PTPN21: variants seen among roughly 807,000 people sequenced by gnomAD.
The protein encoded by PTPN21 is tyrosine-protein phosphatase non-receptor type 21.
A neutral mutation model predicts 131.8 loss-of-function variants in PTPN21; 77 were observed. The ratio of observed to expected loss-of-function variants is 0.58; its 90% CI spans 0.49 to 0.71. PTPN21 has a LOEUF of 0.71. PTPN21 is among the 30% of genes least tolerant of loss of function. The pLI is 0.00. For missense variants in PTPN21, 1,552 were observed against 1,527.1 expected (o/e 1.02, Z -0.27); for synonymous variants, 715 against 621.3 (o/e 1.15, Z -2.24).
chr14:88,511,799 T>C (rs969637991), intron 3 of PTPN21, among the ~76,000 whole-genome samples: 1 of 152,280 alleles, frequency 6.6e-6, no homozygotes, highest in South Asian at 2.1e-4. Flanking sequence ...TGCCCGAAAG[T>C]CAAAATATGC....
intron 3 of PTPN21, chr14:88,512,228 T>C (rs922176320): frequency 6.6e-6 from 1 of 152,168 alleles, no homozygotes; most frequent in African/African-American, 2.4e-5. Context: ...TCAGTACATA[T>C]CCCTAAAAGG....
rs561039980 is a variant in PTPN21, at chr14:88,549,743, C to A, written c.180+495G>T. ...CCTCCCCAGTAGCTGCGATTACAGGCACCCACCACCACGCCCAGCCAATTT... is the reference window on the plus strand; with the variant it reads ...CCTCCCCAGTAGCTGCGATTACAGGAACCCACCACCACGCCCAGCCAATTT... On this transcript the variant is annotated intron_variant, in intron 2 of 18. Transcript: ENST00000556564. Among the ~76,000 whole-genome samples the A allele has an allele frequency of 2.0e-5, 3 of 151,690 alleles. No homozygotes were observed. In the South Asian group the frequency reaches 6.3e-4, roughly 32 times the overall value.
intron 10 of PTPN21, among the ~76,000 whole-genome samples, chr14:88,491,121 A>G (rs1230389929): frequency 2.0e-5 from 3 of 151,300 alleles, no homozygotes; most frequent in African/African-American, 7.4e-5. Flanking sequence ...TCCTCACTTT[A>G]TAATTTTAAA....
chr14:88,532,487 C>T (rs1042624217), intron 2 of PTPN21, among the ~76,000 whole-genome samples: 3 of 152,080 alleles, frequency 2.0e-5, no homozygotes, highest in African/African-American at 7.2e-5. Context: ...GGCAACCTCA[C>T]GTGAACATAA....
intron 2 of PTPN21, among the ~76,000 whole-genome samples, chr14:88,543,695 C>T (rs1209890610): frequency 6.6e-6 from 1 of 152,144 alleles, no homozygotes; most frequent in Non-Finnish European, 1.5e-5. Flanking sequence ...ACGCACTAAA[C>T]ACACAATTTA....
Position 88,474,131 on chromosome 14 carries a change from C to CAAAAAAAA in PTPN21, c.2512-337_2512-330dup, listed in dbSNP as rs754719071. Reference sequence around the variant, plus strand: ...CAGACGTAACAAATCAGCTGAAGTCCAAAAAAAAAAAAAAAAAAAAAAAAC... The same window carrying CAAAAAAAA: ...CAGACGTAACAAATCAGCTGAAGTCCAAAAAAAAAAAAAAAAAAAAAAAAAAAAAAAAC... On this transcript the variant is annotated intron_variant, in intron 13 of 18. Coordinates refer to ENST00000556564, the MANE Select transcript of PTPN21 (RefSeq NM_007039.4). Among the ~76,000 whole-genome samples the CAAAAAAAA allele has an allele frequency of 1.1e-3, 50 of 46,602 alleles. 1 individual carries two copies. The highest frequency in any genetic ancestry group is 2.1e-3 in the East Asian group (3 of 1,412). 30.6% of individuals were successfully genotyped at this position (46,602 alleles called of 152,430 possible). A position where few individuals can be genotyped will look rare whatever the true frequency, so the allele number is the denominator to read the frequency against.
In PTPN21 at chr14:88,479,937, C is replaced by A; in HGVS notation, c.1494G>T (p.Glu498Asp). 6.2e-7 allele frequency: 1 copy of A among 1,606,044 alleles called. No individual in the cohort carries two copies. Among genetic ancestry groups the A allele is most frequent in the Non-Finnish European group, 8.5e-7 (1 of 1,179,718 alleles). ...ALVYSQPEIR[E>D]HAQLPSPAAA... is the part of the protein sequence containing the mutation. ...CCGCTGGCGAGGGGAGCTGTGCGTG[C>A]TCGCGGATCTCGGGCTGGCTGTAGA... The change falls in exon 13 of 19, where the codon GAG (glutamate) becomes GAT (aspartate). Residue 498 changes from glutamate (E) to aspartate (D), a missense_variant. Transcript: ENST00000556564.
chr14:88,518,249 A>T (rs1196260823), intron 2 of PTPN21, among the ~76,000 whole-genome samples: 392 of 70,724 alleles, frequency 5.5e-3, no homozygotes, highest in African/African-American at 0.023. Flanking sequence ...AAAAAAAAAA[A>T]AAAAAAATAT....
At chr14:88,473,312 C>T (rs2077499361) in intron 14 of PTPN21, among the ~76,000 whole-genome samples, 1 of 152,102 alleles carries the variant, frequency 6.6e-6, no homozygotes. Context: ...GATAAACTTT[C>T]AGTATAATAA....
At position 88,480,191 on chromosome 14, in the gene PTPN21, G is replaced by A. The variant is rs1204994784; in HGVS notation, c.1240C>T (p.Pro414Ser). The change falls in exon 13 of 19, where the codon CCG (proline) becomes TCG (serine). Residue 414 changes from proline (P) to serine (S), a missense_variant. This residue lies in a region of PTPN21 where 1,016 missense variants were observed against 883.5 expected (regional missense o/e 1.15). Coordinates refer to ENST00000556564, the MANE Select transcript of PTPN21 (RefSeq NM_007039.4). ...NNPQPYLQPSPMSSNPSITGS... is the reference protein window; with the variant it reads ...NNPQPYLQPSSMSSNPSITGS... ...GTGATGCTAGGGTTGGACGACATCG[G>A]CGAGGGCTGCAAGTAGGGCTGAGGA... is the stretch of plus-strand genomic sequence containing the variant. 2.5e-6 allele frequency: 4 copies of A among 1,614,090 alleles called. No homozygotes were observed. The highest frequency in any genetic ancestry group is 3.4e-6 in the Non-Finnish European group (4 of 1,180,038).
chr14:88,491,157 T>G (rs901902828), intron 10 of PTPN21, among the ~76,000 whole-genome samples: 2 of 152,208 alleles, frequency 1.3e-5, no homozygotes, highest in Non-Finnish European at 2.9e-5. Flanking sequence ...CATCTAACAT[T>G]TTTAAGGTTT....
Position 88,466,004 on chromosome 14 carries a change from CA to C in PTPN21, c.*2132del, listed in dbSNP as rs1444519035. 3 of 150,686 alleles carry C rather than the reference CA, an allele frequency of 2.0e-5. No homozygotes were observed. Among genetic ancestry groups the C allele is most frequent in the African/African-American group, 7.4e-5 (3 of 40,690 alleles). 9.3% of individuals were successfully genotyped at this position (150,686 alleles called of 1,614,324 possible). A position where few individuals can be genotyped will look rare whatever the true frequency, so the allele number is the denominator to read the frequency against. ...GATTTGTTTTACAATATGTTCTTGT[CA>C]ACGAGCTATGTCAAACTGTTTGTTT... On this transcript the variant is annotated 3_prime_UTR_variant, in exon 19 of 19. Transcript: ENST00000556564.
chr14:88,489,257 G>C (rs376343462), intron 10 of PTPN21, among the ~76,000 whole-genome samples: 1 of 152,306 alleles, frequency 6.6e-6, no homozygotes, highest in African/African-American at 2.4e-5. Flanking sequence ...TCTAAGCCTC[G>C]TCTGAATTTT....
Position 88,550,375 on chromosome 14 carries a change from A to G in PTPN21, c.43T>C (p.Tyr15His). Residue 15 changes from tyrosine (Y) to histidine (H), a missense_variant, in exon 2 of 19, where the codon TAC becomes CAC. Around this residue, in one of 4 missense-constraint regions of PTPN21, gnomAD observed 206 missense variants for 221.6 expected, o/e 0.93. Coordinates refer to ENST00000556564, the MANE Select transcript of PTPN21 (RefSeq NM_007039.4). ...FGLKLKRTRRYTVSSKSCLVA... is the reference protein window; with the variant it reads ...FGLKLKRTRRHTVSSKSCLVA... ...AGGCAACTCTTGCTGGACACCGTGTAGCGCCGGGTGCGTTTCAGTTTCAAC... is the reference window on the plus strand; with the variant it reads ...AGGCAACTCTTGCTGGACACCGTGTGGCGCCGGGTGCGTTTCAGTTTCAAC... 6.2e-7 allele frequency: 1 copy of G among 1,614,186 alleles called. No individual in the cohort carries two copies. The highest frequency in any genetic ancestry group is 8.5e-7 in the Non-Finnish European group (1 of 1,180,018).
chr14:88,498,078 G>T (rs2077950612), intron 8 of PTPN21, among the ~76,000 whole-genome samples: 1 of 149,904 alleles, frequency 6.7e-6, no homozygotes, highest in Non-Finnish European at 1.5e-5. Context: ...TCCAGCGTGG[G>T]CAACAAAAAT....
chr14:88,515,068 A>C (rs1425288100), intron 3 of PTPN21: 1 of 152,174 alleles, frequency 6.6e-6, no homozygotes, highest in African/African-American at 2.4e-5. Flanking sequence ...AACCTAGTGC[A>C]TGGGAAGGAT....
rs535238832 is a variant in PTPN21, at chr14:88,497,378, C to T, written c.765-88G>A. 265 of 1,020,992 alleles carry T rather than the reference C, an allele frequency of 2.6e-4. No homozygotes were observed. In the African/African-American group the frequency reaches 3.2e-3, roughly 12 times the overall value. 63.2% of individuals were successfully genotyped at this position (1,020,992 alleles called of 1,614,324 possible). A position where few individuals can be genotyped will look rare whatever the true frequency, so the allele number is the denominator to read the frequency against. On this transcript the variant is annotated intron_variant, in intron 8 of 18. Transcript: ENST00000556564. ...ATACACAAGTTTTCCCTAAGCCTGA[C>T]GTGTAAGTTAGCATTTGGTAACATT...
chr14:88,489,652 TAAAA>T (rs1016036078), intron 10 of PTPN21, among the ~76,000 whole-genome samples: 16 of 152,104 alleles, frequency 1.1e-4, no homozygotes, highest in Non-Finnish European at 1.9e-4. Context: ...CCCGTCTCTT[TAAAA>T]AAATAAATAA....
Position 88,550,485 on chromosome 14 carries a change from A to G in PTPN21, c.-68T>C. On this transcript the variant is annotated 5_prime_UTR_variant, in exon 2 of 19. Transcript: ENST00000556564. Reference sequence around the variant, plus strand: ...TACCCCCACCAACCCAGCGCTGGTGACGCCAGGAGAAAGCGATCCTCTCCG... The same window carrying G: ...TACCCCCACCAACCCAGCGCTGGTGGCGCCAGGAGAAAGCGATCCTCTCCG... 3 of 1,446,452 alleles carry G rather than the reference A, an allele frequency of 2.1e-6. No homozygotes were observed. The highest frequency in any genetic ancestry group is 2.8e-6 in the Non-Finnish European group (3 of 1,052,700). The allele number at this position is 1,446,452 out of a possible 1,614,324, so 89.6% of individuals were successfully genotyped here. A position where few individuals can be genotyped will look rare whatever the true frequency, so the allele number is the denominator to read the frequency against.
Sources: allele counts gnomAD v4.1 joint callset (sites outside exome capture counted in the v4.1 genomes callset), GRCh38; gene constraint gnomAD v4.1.1; regional missense constraint gnomAD v4.1.1; transcripts MANE v1.5; gene names NCBI Gene and HGNC (gene_info 2026-07-23, HGNC 2026-07-21).